CC2D2B: variants seen among roughly 807,000 people sequenced by gnomAD.
The protein encoded by CC2D2B is coiled-coil and C2 domain containing 2B, also known as protein CC2D2B.
CC2D2B carries 128 observed loss-of-function variants against 161.2 expected under a neutral mutation model. The ratio of observed to expected loss-of-function variants is 0.79; its 90% confidence interval spans 0.69 to 0.92. CC2D2B has a LOEUF of 0.92. CC2D2B is among the 40% of genes least tolerant of loss of function. CC2D2B has a pLI of 0.00. For synonymous variants in CC2D2B, 391 were observed against 449.8 expected, an observed-to-expected ratio of 0.87 and a Z score of 1.65; for missense variants, 1,173 against 1,375.1, an observed-to-expected ratio of 0.85 and a Z score of 2.32.
At chr10:95,915,047 CA>C (rs1402749034) in intron 2 of CC2D2B, among the ~76,000 whole-genome samples, 1 of 152,196 alleles carries the variant, frequency 6.6e-6, no homozygotes, top group East Asian at 1.9e-4. Context: ...AATCTATGAA[CA>C]TGAAATATCT....
chr10:95,987,002 T>C (rs1390781288), intron 19 of CC2D2B, among the ~76,000 whole-genome samples: 2 of 152,126 alleles, frequency 1.3e-5, no homozygotes, highest in African/African-American at 4.8e-5. Flanking sequence ...TTGTGTTAAC[T>C]CCTAAAACTT....
chr10:95,933,983 C>T (rs2075712452), intron 6 of CC2D2B, among the ~76,000 whole-genome samples: 2 of 152,202 alleles, frequency 1.3e-5, no homozygotes, highest in African/African-American at 4.8e-5. Flanking sequence ...GTGCCCACAG[C>T]CGCCCCTTCC....
intron 19 of CC2D2B, among the ~76,000 whole-genome samples, chr10:95,985,900 G>A (rs1340280103): frequency 6.6e-6 from 1 of 152,082 alleles, no homozygotes; most frequent in Non-Finnish European, 1.5e-5. Flanking sequence ...ATAAGCCCCG[G>A]TCTCCCGTAG....
chr10:96,000,255 T>A (rs2078419884), intron 24 of CC2D2B: 2 of 1,194,740 alleles, frequency 1.7e-6, no homozygotes, highest in Non-Finnish European at 2.1e-6. Context: ...TTTTGGCGAA[T>A]TACTGGAAGA....
At position 95,974,104 on chromosome 10, in the gene CC2D2B, A is replaced by T. The variant is rs775935347; in HGVS notation, c.1891A>T (p.Asn631Tyr). 8.2e-5 allele frequency: 101 copies of T among 1,230,462 alleles called. No homozygotes were observed. Among genetic ancestry groups the T allele is most frequent in the Non-Finnish European group, 9.8e-5 (97 of 986,552 alleles). The allele number at this position is 1,230,462 out of a possible 1,614,324, so 76.2% of individuals were successfully genotyped here. The change falls in exon 17 of 35, where the codon AAT becomes TAT. Residue 631 changes from asparagine to tyrosine, a missense_variant. Asn to Tyr is a moderately radical substitution (Grantham distance 143). This residue lies in a region of CC2D2B where 277 missense variants were observed against 420.6 expected (regional missense o/e 0.66). Coordinates refer to ENST00000646931, the MANE Select transcript of CC2D2B (RefSeq NM_001349008.3). ...TTCTCTATCATGGAGCTTAGATGAA[A>T]ATGGTCTTCCTCTGATACCTATGCC... Reference protein sequence around the residue: ...SYSLSWSLDENGLPLIPMPQS... With the variant: ...SYSLSWSLDEYGLPLIPMPQS...
chr10:95,996,996 A>G (rs1399086350), intron 24 of CC2D2B, among the ~76,000 whole-genome samples: 4 of 151,954 alleles, frequency 2.6e-5, no homozygotes, highest in African/African-American at 9.7e-5. Context: ...TTTCCCTTCC[A>G]CCTTCCACTA....
chr10:96,021,716 T>A (rs1193438808), intron 32 of CC2D2B: 1 of 152,148 alleles, frequency 6.6e-6, no homozygotes, highest in African/African-American at 2.4e-5. Flanking sequence ...AAAGCATTCA[T>A]GGGAATGATA....
At chr10:95,913,451 AT>A (rs1375213977) in intron 2 of CC2D2B, 1 of 419,610 alleles carries the variant, frequency 2.4e-6, no homozygotes, top group South Asian at 1.8e-5. Context: ...TGTCTTCAAT[AT>A]ACTGATTTTC....
At position 95,924,358 on chromosome 10, in the gene CC2D2B, G is replaced by A. The variant is rs1309252756; in HGVS notation, c.142G>A (p.Gly48Ser). The A allele has an allele frequency of 6.6e-7, 1 of 1,523,228 alleles. No individual in the cohort carries two copies. The highest frequency in any genetic ancestry group is 1.3e-5 in the South Asian group (1 of 78,718). 94.4% of individuals were successfully genotyped at this position (1,523,228 alleles called of 1,614,324 possible). A position where few individuals can be genotyped will look rare whatever the true frequency, so the allele number is the denominator to read the frequency against. The change falls in exon 4 of 35, where the codon GGC becomes AGC. Residue 48 changes from glycine (G) to serine (S), a missense_variant. By Grantham distance (56) the Gly-to-Ser change is moderately conservative. Coordinates refer to ENST00000646931, the MANE Select transcript of CC2D2B (RefSeq NM_001349008.3). ...ENQNVAKTLR[G>S]KVREKLKISK... ...TCAAAATGTAGCAAAGACATTGAGA[G>A]GCAAAGTGAGAGAAAAGCTAAAAAT...
chr10:95,913,106 A>AC (rs1435118830), intron 2 of CC2D2B, among the ~76,000 whole-genome samples: 3 of 103,656 alleles, frequency 2.9e-5, no homozygotes, highest in African/African-American at 1.1e-4. Context: ...CCTGCCCCCC[A>AC]CCCAATACCT....
intron 25 of CC2D2B, among the ~76,000 whole-genome samples, chr10:96,006,999 TA>T (rs2078778346): frequency 1.3e-5 from 2 of 152,210 alleles, no homozygotes. Context: ...AGAGGATGCA[TA>T]AGGAACTAAT....
At chr10:95,991,649 A>T (rs1460445330) in intron 21 of CC2D2B, among the ~76,000 whole-genome samples, 188 bp downstream of exon 21, 3 of 152,186 alleles carry the variant, frequency 2.0e-5, no homozygotes, top group African/African-American at 7.2e-5. Flanking sequence ...TCTCTACATG[A>T]TATATTTTCA....
intron 11 of CC2D2B, among the ~76,000 whole-genome samples, chr10:95,958,246 C>T (rs1180085369): frequency 6.6e-6 from 1 of 152,154 alleles, no homozygotes; most frequent in African/African-American, 2.4e-5. Flanking sequence ...AATCCCAGCA[C>T]TTTGAGAGGC....
At chr10:96,003,334 C>G (rs1430403095) in intron 24 of CC2D2B, among the ~76,000 whole-genome samples, 2 of 151,970 alleles carry the variant, frequency 1.3e-5, no homozygotes, top group African/African-American at 4.8e-5. Flanking sequence ...CATCAGCAGA[C>G]AGCTTGCAAA....
chr10:95,980,472 T>A (rs1158892004), intron 17 of CC2D2B, among the ~76,000 whole-genome samples: 2 of 152,190 alleles, frequency 1.3e-5, no homozygotes, highest in Non-Finnish European at 1.5e-5. Flanking sequence ...TTCTAATCTA[T>A]TCGTTAAGAT....
At chr10:96,008,275 G>T (rs1318760647) in intron 25 of CC2D2B, among the ~76,000 whole-genome samples, 2 of 149,996 alleles carry the variant, frequency 1.3e-5, no homozygotes, top group Non-Finnish European at 3.0e-5. Context: ...TTATATAGCA[G>T]TATTCCATTG....
chr10:95,966,576 T>C (rs2076948250), intron 14 of CC2D2B, among the ~76,000 whole-genome samples: 2 of 152,090 alleles, frequency 1.3e-5, no homozygotes, highest in South Asian at 4.1e-4. Flanking sequence ...TGGTGTTCTA[T>C]AGAAACTGTG....
rs140444928 is a variant in CC2D2B, at chr10:96,031,997, C to T, written c.4303C>T (p.Gln1435Ter). 2.4e-4 allele frequency: 392 copies of T among 1,612,094 alleles called. 1 individual carries two copies. The East Asian group carries it at 8.0e-3, about 33-fold the overall frequency. The change falls in exon 35 of 35, where the codon CAA (glutamine) becomes TAA (stop). Residue 1435 changes from glutamine (Q) to a stop codon, truncating the protein, a stop_gained. Coordinates refer to ENST00000646931, the MANE Select transcript of CC2D2B (RefSeq NM_001349008.3). LOFTEE classifies it high-confidence loss of function. ...GTGGGTCTATTTGGCTTCCTTAGTT[C>T]AACATCAATGAAAAGGAAGCAGAGC... Reference protein sequence around the residue: ...SVWVYLASLVQHQ With the variant: ...SVWVYLASLV
chr10:96,010,937 A>G (rs2078961397), intron 26 of CC2D2B, among the ~76,000 whole-genome samples: 1 of 152,212 alleles, frequency 6.6e-6, no homozygotes, highest in Non-Finnish European at 1.5e-5. Context: ...CATTTAAAAA[A>G]TATATACAAA....
Sources: gnomAD v4.1 joint callset for allele counts (sites outside exome capture counted in the v4.1 genomes callset) on GRCh38, gnomAD v4.1.1 for gene constraint, gnomAD v4.1.1 regional missense constraint, MANE v1.5 for transcripts, NCBI Gene and HGNC (gene_info 2026-07-23, HGNC 2026-07-21) for gene names.